The following DOP1A variants were observed in gnomAD, a reference collection of about 807,000 sequenced individuals.
DOP1A encodes DOP1 leucine zipper like protein A, also known as protein DOP1A.
DOP1A carries 90 observed loss-of-function variants against 267.6 expected under a neutral mutation model. The ratio of observed to expected loss-of-function variants is 0.34; its 90% confidence interval spans 0.28 to 0.40. The LOEUF is 0.40. Among genes scored for constraint, DOP1A ranks in the 10% least tolerant of loss-of-function variants. The pLI is 1.00. For missense variants in DOP1A, 2,437 were observed against 2,900.4 expected, an observed-to-expected ratio of 0.84 and a Z score of 3.67; for synonymous variants, 932 against 999.1, an observed-to-expected ratio of 0.93 and a Z score of 1.27.
chr6:83,163,020 T>G, intron 38 of DOP1A, 101 bp downstream of exon 38: 1 of 1,332,574 alleles, frequency 7.5e-7, no homozygotes, highest in Non-Finnish European at 1.0e-6. Flanking sequence ...CGTTATCAAG[T>G]TGAGCTATTT....
At chr6:83,160,596 T>C (rs1472873109) in intron 37 of DOP1A, among the ~76,000 whole-genome samples, 1 of 152,120 alleles carries the variant, frequency 6.6e-6, no homozygotes, top group Non-Finnish European at 1.5e-5. Flanking sequence ...AAGCCTAGAA[T>C]GAAGGAGGCA....
chr6:83,122,711 G>A (rs1776555330), intron 11 of DOP1A, 152 bp from the exon 12 acceptor site: 1 of 504,574 alleles, frequency 2.0e-6, no homozygotes, highest in Non-Finnish European at 3.2e-6. Flanking sequence ...ATAGGAGAGT[G>A]GCAGTAGATA....
chr6:83,169,934 G>C (rs1786741802), downstream of DOP1A: 4 of 388,188 alleles, frequency 1.0e-5, no homozygotes, highest in South Asian at 6.1e-5. Context: ...AGTTGACTTA[G>C]AAATGAACTA....
chr6:83,122,958 C>T lies in DOP1A; in HGVS notation c.1316C>T (p.Ala439Val). The T allele has an allele frequency of 1.3e-6, 2 of 1,584,254 alleles. No individual in the cohort carries two copies. Among genetic ancestry groups the T allele is most frequent in the East Asian group, 2.3e-5 (1 of 42,996 alleles). ...FEPYYMWDYV[A>V]RWFEECCRRT... The stretch of plus-strand genomic sequence containing the variant: ...CCTTATTATATGTGGGATTATGTTG[C>T]ACGCTGGTTTGAAGAATGTTGTAGG... Residue 439 changes from alanine (A) to valine (V), a missense_variant, in exon 12 of 39, where the codon GCA (alanine) becomes GTA (valine). Physicochemically the swap from Ala to Val is moderately conservative, Grantham distance 64. Coordinates refer to ENST00000349129, the MANE Select transcript of DOP1A (RefSeq NM_015018.4).
chr6:83,132,379 A>G, intron 18 of DOP1A, 51 bp downstream of exon 18: 1 of 1,470,478 alleles, frequency 6.8e-7, no homozygotes, highest in Non-Finnish European at 9.1e-7. Context: ...ACACACACAC[A>G]CACACAAATA....
At chr6:83,075,294 A>C (rs930115357) in intron 1 of DOP1A, among the ~76,000 whole-genome samples, 32 of 152,186 alleles carry the variant, frequency 2.1e-4, no homozygotes, top group African/African-American at 5.3e-4. Context: ...TGGGGATTTG[A>C]GAGCTAAAAT....
At chr6:83,104,715 ACT>A (rs1773264227) in intron 4 of DOP1A, among the ~76,000 whole-genome samples, 1 of 151,946 alleles carries the variant, frequency 6.6e-6, no homozygotes, top group Admixed American at 6.6e-5. Flanking sequence ...AAATTTGCCT[ACT>A]TTTACTAAAT....
At chr6:83,119,620 C>T in intron 8 of DOP1A, 128 bp from the exon 9 acceptor site, 1 of 640,572 alleles carries the variant, frequency 1.6e-6, no homozygotes. Context: ...ATCTCTCTTG[C>T]TGACATTGAA....
chr6:83,125,452 T>C (rs754676452), intron 14 of DOP1A, 48 bp from the exon 15 acceptor site: 2 of 1,548,032 alleles, frequency 1.3e-6, no homozygotes, highest in East Asian at 4.5e-5. Flanking sequence ...AATGTAACTT[T>C]TGGGTTCCAC....
At chr6:83,118,838 T>A in intron 7 of DOP1A, 50 bp from the exon 8 acceptor site, 1 of 1,504,702 alleles carries the variant, frequency 6.6e-7, no homozygotes, top group East Asian at 2.3e-5. Flanking sequence ...AGGAAAAAAA[T>A]AATATATATT....
intron 1 of DOP1A, among the ~76,000 whole-genome samples, chr6:83,071,174 T>G (rs1785519521): frequency 6.6e-6 from 1 of 152,218 alleles, no homozygotes; most frequent in Non-Finnish European, 1.5e-5. Flanking sequence ...GACTTTCTTC[T>G]TGATACAGTC....
Position 83,095,306 on chromosome 6 carries a change from G to A in DOP1A, c.-146-1425G>A, listed in dbSNP as rs1771274230. On this transcript the variant is annotated intron_variant, in intron 1 of 38. Transcript: ENST00000349129. ...TTTAATCCTATATTTTTTTCTGAGG[G>A]TTTTATAGTTCTAACTGTTACATTT... Among the ~76,000 whole-genome samples the A allele has an allele frequency of 2.0e-5, 3 of 152,090 alleles. No homozygotes were observed. The South Asian group carries it at 6.2e-4, about 32-fold the overall frequency.
At chr6:83,136,014 T>C in intron 20 of DOP1A, 136 bp downstream of exon 20, 1 of 1,026,382 alleles carries the variant, frequency 9.7e-7, no homozygotes, top group African/African-American at 1.6e-5. Flanking sequence ...CCTCATGCAC[T>C]AGCAATGCTG....
downstream of DOP1A, chr6:83,170,595 C>T (rs1332657333): frequency 1.1e-5 from 9 of 801,602 alleles, no homozygotes; most frequent in Non-Finnish European, 1.6e-5. Context: ...ATTAAAACTT[C>T]TTTCTCCAAG....
At chr6:83,124,956 T>C in intron 13 of DOP1A, 137 bp downstream of exon 13, 1 of 885,144 alleles carries the variant, frequency 1.1e-6, no homozygotes, top group Non-Finnish European at 1.7e-6. Context: ...GCTTTTTTCA[T>C]AAGATCTTTC....
chr6:83,168,441 T>A lies in DOP1A; in HGVS notation c.*274T>A. ...TTATTGTCCTGAGTTGTCTTAAACC[T>A]GCAAAATATACACTACCCATTTTTT... On this transcript the variant is annotated 3_prime_UTR_variant, in exon 39 of 39. Transcript: ENST00000349129. 1 of 1,106,704 alleles carries A rather than the reference T, an allele frequency of 9.0e-7. No homozygotes were observed. The highest frequency in any genetic ancestry group is 1.6e-5 in the African/African-American group (1 of 61,056). The allele number at this position is 1,106,704 out of a possible 1,614,324, so 68.6% of individuals were successfully genotyped here. A position where few individuals can be genotyped will look rare whatever the true frequency, so the allele number is the denominator to read the frequency against.
chr6:83,093,821 G>A (rs771794165), intron 1 of DOP1A, among the ~76,000 whole-genome samples: 2 of 152,192 alleles, frequency 1.3e-5, no homozygotes, highest in African/African-American at 2.4e-5. Flanking sequence ...CAGGAGAATC[G>A]CTTGAGCCCA....
At chr6:83,102,912 G>A (rs1251800628) in intron 4 of DOP1A, among the ~76,000 whole-genome samples, 1 of 152,050 alleles carries the variant, frequency 6.6e-6, no homozygotes, top group African/African-American at 2.4e-5. Flanking sequence ...AGGTCCACAG[G>A]TCTCTTTGCT....
At chr6:83,147,099 A>T (rs879123518) in intron 25 of DOP1A, 137 bp from the exon 26 acceptor site, 1 of 407,214 alleles carries the variant, frequency 2.5e-6, no homozygotes, top group South Asian at 7.4e-5. Context: ...TGCATGGCTC[A>T]TTAATGAAAA....
Sources: gnomAD v4.1 joint callset for allele counts (sites outside exome capture counted in the v4.1 genomes callset) on GRCh38, gnomAD v4.1.1 for gene constraint, MANE v1.5 for transcripts, NCBI Gene and HGNC (gene_info 2026-07-23, HGNC 2026-07-21) for gene names.